The following SPTBN1 variants were observed in gnomAD, a reference collection of about 807,000 sequenced individuals.
SPTBN1 encodes spectrin beta chain, non-erythrocytic 1.
SPTBN1 carries 32 observed loss-of-function variants against 266.4 expected under a neutral mutation model. The ratio of observed to expected loss-of-function variants is 0.12; its 90% CI spans 0.09 to 0.16. The LOEUF is 0.16. Among genes scored for constraint, SPTBN1 ranks in the 10% least tolerant of loss-of-function variants. SPTBN1 has a pLI of 1.00. For missense variants in SPTBN1, 2,296 were observed against 3,067.1 expected (o/e 0.75, Z 5.94); for synonymous variants, 1,336 against 1,162.2 (o/e 1.15, Z -3.04).
intron 6 of SPTBN1, 140 bp downstream of exon 6, chr2:54,617,828 T>C (rs1677711788): frequency 1.3e-6 from 1 of 766,698 alleles, no homozygotes; most frequent in Admixed American, 2.9e-5. Flanking sequence ...GTGAGGAAAA[T>C]ATGGGAGAAT....
At chr2:54,463,975 A>C (rs1693501744) in intron 1 of SPTBN1, among the ~76,000 whole-genome samples, 1 of 152,264 alleles carries the variant, frequency 6.6e-6, no homozygotes, top group Non-Finnish European at 1.5e-5. Flanking sequence ...CTGTAAGTTC[A>C]AACTCACCAG....
rs538541171 is a variant in SPTBN1, at chr2:54,537,942, G to C, written c.148+11376G>C. 2.8e-4 allele frequency among the ~76,000 whole-genome samples: 43 copies of C among 152,344 alleles called. No homozygotes were observed. In the Middle Eastern group the frequency reaches 0.01, roughly 36 times the overall value. On this transcript the variant is annotated intron_variant, in intron 2 of 35. Coordinates refer to ENST00000356805, the MANE Select transcript of SPTBN1 (RefSeq NM_003128.3). ...GAGTATGGAGTGTGGAGGGACATAA[G>C]AGCATGGCAGCTCTCCCTGGAACCA... is the stretch of plus-strand genomic sequence containing the variant.
At position 54,554,252 on chromosome 2, in the gene SPTBN1, G is replaced by C. The variant is rs1480090733; in HGVS notation, c.148+27686G>C. On this transcript the variant is annotated intron_variant, in intron 2 of 35. Transcript: ENST00000356805. The surrounding 1 kb of genome is among the most constrained non-coding windows in gnomAD (Gnocchi z 4.5). ...GAAACAGCAGAGGTGGGGAGATGGG[G>C]AGCACGCTGACTTGGTGGATCTGGG... 6.6e-6 allele frequency among the ~76,000 whole-genome samples: 1 copy of C among 152,204 alleles called. No homozygotes were observed. The highest frequency in any genetic ancestry group is 6.5e-5 in the Admixed American group (1 of 15,290).
intron 1 of SPTBN1, among the ~76,000 whole-genome samples, chr2:54,485,167 T>C (rs1009539077): frequency 6.6e-6 from 1 of 151,680 alleles, no homozygotes; most frequent in Non-Finnish European, 1.5e-5. Context: ...CCTCTCCCTC[T>C]CCCTCCGTCT....
At chr2:54,589,780 T>G (rs1192366412) in intron 2 of SPTBN1, among the ~76,000 whole-genome samples, 1 of 152,228 alleles carries the variant, frequency 6.6e-6, no homozygotes, top group Non-Finnish European at 1.5e-5. Flanking sequence ...AGCTGCCTGT[T>G]TCCGGCTTCC....
intron 1 of SPTBN1, among the ~76,000 whole-genome samples, chr2:54,465,752 T>A (rs370301230): frequency 6.6e-6 from 1 of 150,942 alleles, no homozygotes; most frequent in East Asian, 1.9e-4. Context: ...ACATTTTAAA[T>A]GGGGAATTTT....
chr2:54,625,367 C>T (rs1424231053), intron 11 of SPTBN1, among the ~76,000 whole-genome samples: 2 of 152,120 alleles, frequency 1.3e-5, no homozygotes, highest in Admixed American at 1.3e-4. Context: ...TCTAGCTTTT[C>T]AGTAAGGTAC....
At chr2:54,504,603 A>T (rs1173617819) in intron 1 of SPTBN1, among the ~76,000 whole-genome samples, 1 of 152,232 alleles carries the variant, frequency 6.6e-6, no homozygotes, top group Non-Finnish European at 1.5e-5. Flanking sequence ...TCTTTAGGTG[A>T]TTTAAAGTAT....
At chr2:54,548,782 T>G (rs1672396067) in intron 2 of SPTBN1, among the ~76,000 whole-genome samples, 2 of 152,184 alleles carry the variant, frequency 1.3e-5, no homozygotes, top group Admixed American at 6.5e-5. Context: ...AAGGAACTTC[T>G]GACACCTGTT....
rs1679789231 is a variant in SPTBN1 at position 54,644,405 on chromosome 2, A to G, written c.4088A>G (p.Glu1363Gly). 6.2e-7 allele frequency: 1 copy of G among 1,614,214 alleles called. No homozygotes were observed. The highest frequency in any genetic ancestry group is 1.6e-4 in the Middle Eastern group (1 of 6,062). ...CTCACTGGTTTACATAAAATGTGGG[A>G]AGTCCTTGAATCCACTACCCAGACA... Reference protein sequence around the residue: ...EKLTGLHKMWEVLESTTQTKA... With the variant: ...EKLTGLHKMWGVLESTTQTKA... Residue 1363 changes from glutamate (E) to glycine (G), a missense_variant, in exon 20 of 36, where the codon GAA becomes GGA. This residue lies in a region of SPTBN1 where 386 missense variants were observed against 486.1 expected (regional missense o/e 0.79). Transcript: ENST00000356805.
At chr2:54,560,748 G>C (rs926616923) in intron 2 of SPTBN1, among the ~76,000 whole-genome samples, 1 of 152,218 alleles carries the variant, frequency 6.6e-6, no homozygotes, top group Non-Finnish European at 1.5e-5. Context: ...AGTTGCACAA[G>C]TTTAGTGTTG....
intron 2 of SPTBN1, among the ~76,000 whole-genome samples, chr2:54,595,407 G>T (rs1348319018): frequency 6.6e-6 from 1 of 152,242 alleles, no homozygotes. Context: ...GGCAGGGCTG[G>T]TTGGGAACCT....
intron 2 of SPTBN1, among the ~76,000 whole-genome samples, chr2:54,577,635 G>A (rs572866474): frequency 2.0e-5 from 3 of 152,292 alleles, no homozygotes; most frequent in South Asian, 2.1e-4. Flanking sequence ...TCCTCATAGC[G>A]TCCTTGTGTG....
rs755341652 is a variant in SPTBN1, at chr2:54,664,730, C to G, written c.6659+39C>G. Reference sequence around the variant, plus strand: ...AGGCTGCCACAGTAAGATGGGAAGTCAGCCTGTGAAGGGATAAGGCGGGCC... The same window carrying G: ...AGGCTGCCACAGTAAGATGGGAAGTGAGCCTGTGAAGGGATAAGGCGGGCC... On this transcript the variant is annotated intron_variant, in intron 33 of 35. Transcript: ENST00000356805. The surrounding 1 kb of genome is among the most constrained non-coding windows in gnomAD (Gnocchi z 5.6). 110 of 1,602,196 alleles carry G rather than the reference C, an allele frequency of 6.9e-5. No homozygotes were observed. Among genetic ancestry groups the G allele is most frequent in the Non-Finnish European group, 9.1e-5 (107 of 1,171,196 alleles).
chr2:54,617,087 T>C (rs1246581882), intron 5 of SPTBN1, among the ~76,000 whole-genome samples: 1 of 152,254 alleles, frequency 6.6e-6, no homozygotes, highest in East Asian at 1.9e-4. Flanking sequence ...ATAGAATAGC[T>C]GATTCATTAT....
At position 54,628,893 on chromosome 2, in the gene SPTBN1, C is replaced by T. The variant is rs777030312; in HGVS notation, c.1799-40C>T. 5.8e-6 allele frequency: 9 copies of T among 1,538,586 alleles called. No homozygotes were observed. In the South Asian group the frequency reaches 1.2e-4, roughly 20 times the overall value. ...CCAGTGAGCCTGCACCCATGCTGAG[C>T]TCCCTCACACAGCCACGTTCCTTCC... is the stretch of plus-strand genomic sequence containing the variant. On this transcript the variant is annotated intron_variant, in intron 13 of 35. Coordinates refer to ENST00000356805, the MANE Select transcript of SPTBN1 (RefSeq NM_003128.3). This position sits in a 1 kb window ranked among gnomAD's most constrained non-coding sequence, Gnocchi z 4.3.
At chr2:54,595,607 C>G (rs1248719172) in intron 2 of SPTBN1, among the ~76,000 whole-genome samples, 2 of 152,258 alleles carry the variant, frequency 1.3e-5, no homozygotes, top group African/African-American at 4.8e-5. Flanking sequence ...AGGGCGTGCC[C>G]TTGGTGGCGT....
At chr2:54,547,413 A>G (rs1672310216) in intron 2 of SPTBN1, among the ~76,000 whole-genome samples, 1 of 152,250 alleles carries the variant, frequency 6.6e-6, no homozygotes, top group Non-Finnish European at 1.5e-5. Flanking sequence ...TGATACTGCA[A>G]TGAACATAGG....
intron 3 of SPTBN1, 32 bp downstream of exon 3, chr2:54,599,275 T>C: frequency 6.2e-7 from 1 of 1,602,612 alleles, no homozygotes; most frequent in Non-Finnish European, 8.5e-7. Context: ...TGCCGTGTGT[T>C]GTAGGTGGAA....
Sources: allele counts gnomAD v4.1 joint callset (sites outside exome capture counted in the v4.1 genomes callset), GRCh38; gene constraint gnomAD v4.1.1; regional missense constraint gnomAD v4.1.1; non-coding constraint Gnocchi (gnomAD v3.1); transcripts MANE v1.5; gene names NCBI Gene and HGNC (gene_info 2026-07-23, HGNC 2026-07-21).